KCNH4: variants seen among roughly 807,000 people sequenced by gnomAD.
KCNH4 encodes voltage-gated delayed rectifier potassium channel KCNH4.
A neutral mutation model predicts 90.7 loss-of-function variants in KCNH4; 33 were observed. The observed-to-expected ratio is 0.36, with a 90% confidence interval of 0.28 to 0.49. The LOEUF (loss-of-function observed/expected upper bound fraction) is 0.49, where lower values mean the gene tolerates loss of function less well. KCNH4 is among the 20% of genes least tolerant of loss of function. The pLI is 0.98. For missense variants in KCNH4, 1,044 were observed against 1,387.1 expected (o/e 0.75, Z 3.93); for synonymous variants, 551 against 581.7 (o/e 0.95, Z 0.76).
rs1344277777 is a variant in KCNH4 at position 42,175,442 on chromosome 17, C to CT, written c.987+136_987+137insA. 2.9e-6 allele frequency: 3 copies of CT among 1,018,674 alleles called. No homozygotes were observed. The African/African-American group carries it at 4.7e-5, about 16-fold the overall frequency. 63.1% of individuals were successfully genotyped at this position (1,018,674 alleles called of 1,614,324 possible). Reference sequence around the variant, plus strand: ...CCAGTACCTAGCACAGGGCTATGCCCAGAGCAGGTGCCTGATAAATATCTG... The same window carrying CT: ...CCAGTACCTAGCACAGGGCTATGCCCTAGAGCAGGTGCCTGATAAATATCTG... On this transcript the variant is annotated intron_variant, in intron 6 of 16. Coordinates refer to ENST00000264661, the MANE Select transcript of KCNH4 (RefSeq NM_012285.3).
At chr17:42,172,818 G>A (rs1024989964) in intron 6 of KCNH4, among the ~76,000 whole-genome samples, 4 of 151,948 alleles carry the variant, frequency 2.6e-5, no homozygotes, top group Admixed American at 2.6e-4. Context: ...AACAGTCTCT[G>A]CAGAGCCCCA....
At chr17:42,158,347 G>A (rs2079722299) in intron 16 of KCNH4, among the ~76,000 whole-genome samples, 1 of 150,544 alleles carries the variant, frequency 6.6e-6, no homozygotes, top group Non-Finnish European at 1.5e-5. Context: ...TGGCTAACAT[G>A]GTGAAACCCC....
At chr17:42,167,803 C>T (rs2079798311) in intron 9 of KCNH4, among the ~76,000 whole-genome samples, 1 of 152,252 alleles carries the variant, frequency 6.6e-6, no homozygotes, top group Admixed American at 6.5e-5. Context: ...AGAGATACCT[C>T]ACCAACCCAT....
rs141418259 is a variant in KCNH4 at position 42,176,213 on chromosome 17, C to T, written c.670G>A (p.Val224Ile). 51 of 1,613,538 alleles carry T rather than the reference C, an allele frequency of 3.2e-5. No individual in the cohort carries two copies. Among genetic ancestry groups the T allele is most frequent in the African/African-American group, 6.7e-5 (5 of 74,758 alleles). Reference protein sequence around the residue: ...GSRCLLLHYSVSKAIWDGLIL... With the variant: ...GSRCLLLHYSISKAIWDGLIL... ...AGGCCGTCCCAGATGGCCTTGGAGACGCTGTAGTGGAGGAGGAGGCAGCGA... is the reference window on the plus strand; with the variant it reads ...AGGCCGTCCCAGATGGCCTTGGAGATGCTGTAGTGGAGGAGGAGGCAGCGA... Residue 224 changes from valine (V) to isoleucine (I), a missense_variant, in exon 5 of 17, where the codon GTC (valine) becomes ATC (isoleucine). Physicochemically the swap from Val to Ile is conservative, Grantham distance 29. This residue lies in a region of KCNH4 where 283 missense variants were observed against 378.6 expected (regional missense o/e 0.75). Coordinates refer to ENST00000264661, the MANE Select transcript of KCNH4 (RefSeq NM_012285.3).
Position 42,163,471 on chromosome 17 carries a change from T to G in KCNH4, c.2477+135A>C. The G allele has an allele frequency of 1.3e-6, 1 of 782,536 alleles. No homozygotes were observed. 48.5% of individuals were successfully genotyped at this position (782,536 alleles called of 1,614,324 possible). A position where few individuals can be genotyped will look rare whatever the true frequency, so the allele number is the denominator to read the frequency against. ...GTCAAAGTGGGTTGGGGTTGCAAGC[T>G]GTGGTTGGAAGGGTGCGGTGGGCAC... On this transcript the variant is annotated intron_variant, in intron 13 of 16. Transcript: ENST00000264661. This position sits in a 1 kb window ranked among gnomAD's most constrained non-coding sequence, Gnocchi z 5.4.
In KCNH4 at chr17:42,169,345, G is replaced by A. The variant is rs1018581826; in HGVS notation, c.1590+132C>T. The A allele has an allele frequency of 9.8e-6, 8 of 819,954 alleles. No individual in the cohort carries two copies. The Admixed American group carries it at 1.1e-4, about 11-fold the overall frequency. 50.8% of individuals were successfully genotyped at this position (819,954 alleles called of 1,614,324 possible). Reference sequence around the variant, plus strand: ...CCTGCCCGCCTCAGCCTCCCAAAGTGCTGGGATTACAGGTGTGAGCAGCCG... The same window carrying A: ...CCTGCCCGCCTCAGCCTCCCAAAGTACTGGGATTACAGGTGTGAGCAGCCG... On this transcript the variant is annotated intron_variant, in intron 9 of 16. Coordinates refer to ENST00000264661, the MANE Select transcript of KCNH4 (RefSeq NM_012285.3).
In KCNH4 at chr17:42,181,026, G is replaced by T. The variant is rs574120013; in HGVS notation, c.-81C>A. The T allele has an allele frequency of 2.3e-6, 3 of 1,307,234 alleles. No homozygotes were observed. The highest frequency in any genetic ancestry group is 3.2e-6 in the Non-Finnish European group (3 of 939,662). 81.0% of individuals were successfully genotyped at this position (1,307,234 alleles called of 1,614,324 possible). On this transcript the variant is annotated 5_prime_UTR_variant, in exon 1 of 17. Transcript: ENST00000264661. Reference sequence around the variant, plus strand: ...CCGGAGGGGGCGCGCTGTCGGAGGGGCCGGGGCGCCCCATGCGCCCTCCTG... The same window carrying T: ...CCGGAGGGGGCGCGCTGTCGGAGGGTCCGGGGCGCCCCATGCGCCCTCCTG...
At chr17:42,173,224 C>T (rs886907264) in intron 6 of KCNH4, among the ~76,000 whole-genome samples, 2 of 151,898 alleles carry the variant, frequency 1.3e-5, no homozygotes, top group African/African-American at 4.8e-5. Flanking sequence ...GTATGAAAGC[C>T]CCTCATTGCC....
chr17:42,169,362 G>T, intron 9 of KCNH4, 115 bp downstream of exon 9: 1 of 967,808 alleles, frequency 1.0e-6, no homozygotes, highest in Non-Finnish European at 1.6e-6. Flanking sequence ...TTACAGGTGT[G>T]AGCAGCCGAG....
chr17:42,165,508 A>G lies in KCNH4; in HGVS notation c.2026T>C (p.Phe676Leu), dbSNP rs1568032973. Residue 676 changes from phenylalanine (F) to leucine (L), a missense_variant, in exon 11 of 17, where the codon TTC becomes CTC. Phe to Leu is a conservative substitution (Grantham distance 22). This residue lies in a region of KCNH4 where 441 missense variants were observed against 512.3 expected (regional missense o/e 0.86). Coordinates refer to ENST00000264661, the MANE Select transcript of KCNH4 (RefSeq NM_012285.3). ...AGGTCCCGGGGCAGGCCAGCCCGGAAGGCAGCCCCATACTCAGGATAGAGC... is the reference window on the plus strand; with the variant it reads ...AGGTCCCGGGGCAGGCCAGCCCGGAGGGCAGCCCCATACTCAGGATAGAGC... ...LRLYPEYGAA[F>L]RAGLPRDLTF... The G allele has an allele frequency of 1.2e-6, 2 of 1,614,190 alleles. No homozygotes were observed. Among genetic ancestry groups the G allele is most frequent in the Non-Finnish European group, 1.7e-6 (2 of 1,180,018 alleles).
In KCNH4 at chr17:42,168,848, T is replaced by C. The variant is rs1464043465; in HGVS notation, c.1590+629A>G. On this transcript the variant is annotated intron_variant, in intron 9 of 16. Transcript: ENST00000264661. ...GTGCAGTGGCACAATTTCGGCTCAC[T>C]GCAAGCTCCGCCTCCCGGGTTCATG... Among the ~76,000 whole-genome samples, 3 of 151,952 alleles carry C rather than the reference T, an allele frequency of 2.0e-5. No homozygotes were observed. The East Asian group carries it at 5.8e-4, about 30-fold the overall frequency.
intron 6 of KCNH4, among the ~76,000 whole-genome samples, chr17:42,173,860 C>G (rs1292083388): frequency 6.6e-6 from 1 of 151,810 alleles, no homozygotes; most frequent in Non-Finnish European, 1.5e-5. Flanking sequence ...GCCACCACGC[C>G]TGGCTAATTT....
intron 16 of KCNH4, among the ~76,000 whole-genome samples, chr17:42,159,300 T>G (rs923035106): frequency 6.6e-6 from 1 of 152,218 alleles, no homozygotes; most frequent in African/African-American, 2.4e-5. Context: ...GTGCTAGGAT[T>G]ACAGGCGTGA....
intron 2 of KCNH4, 38 bp from the exon 3 acceptor site, chr17:42,178,515 A>G (rs1381460543): frequency 5.0e-6 from 8 of 1,610,780 alleles, no homozygotes; most frequent in Non-Finnish European, 5.9e-6. Flanking sequence ...GAGCATGGGC[A>G]GCCCCATGGC....
Position 42,171,949 on chromosome 17 carries a change from A to G in KCNH4, c.1034T>C (p.Leu345Pro). The stretch of plus-strand genomic sequence containing the variant: ...CCGCTCCAGCTTCTGCAGCAGCCGC[A>G]GCAGCCGCAACAGCCGCACTGTCTT... ...LLKTVRLLRLLRLLQKLERYS... is the reference protein window; with the variant it reads ...LLKTVRLLRLPRLLQKLERYS... Residue 345 changes from leucine to proline, a missense_variant, in exon 7 of 17, where the codon CTG (leucine) becomes CCG (proline). This residue lies in a region of KCNH4 where 318 missense variants were observed against 479.6 expected (regional missense o/e 0.66). Transcript: ENST00000264661. The G allele has an allele frequency of 1.2e-6, 2 of 1,607,414 alleles. No homozygotes were observed. Among genetic ancestry groups the G allele is most frequent in the Non-Finnish European group, 1.7e-6 (2 of 1,177,798 alleles).
At chr17:42,176,001 C>T in intron 5 of KCNH4, 53 bp downstream of exon 5, 4 of 1,552,930 alleles carry the variant, frequency 2.6e-6, no homozygotes, top group Admixed American at 3.6e-5. Context: ...GAGGCTTGGC[C>T]AAGTGGATCC....
chr17:42,163,694 C>T lies in KCNH4; in HGVS notation c.2389G>A (p.Gly797Ser), dbSNP rs776219503. ...CAGGCAGCAGAGCACCTGGGGGGGC[C>T]GTGAGGGGAGGCACTGTGGCCCTGG... The part of the protein sequence containing the change: ...AGQGHSASPH[G>S]PPRCSAAWKP... The change falls in exon 13 of 17, where the codon GGC (glycine) becomes AGC (serine). Residue 797 changes from glycine (G) to serine (S), a missense_variant. Transcript: ENST00000264661. The surrounding 1 kb of genome is among the most constrained non-coding windows in gnomAD (Gnocchi z 5.4). 1.4e-5 allele frequency: 21 copies of T among 1,500,454 alleles called. No individual in the cohort carries two copies. The Admixed American group carries it at 1.4e-4, about 10-fold the overall frequency. 92.9% of individuals were successfully genotyped at this position (1,500,454 alleles called of 1,614,324 possible).
rs1426441013 is a variant in KCNH4, at chr17:42,164,112, C to G, written c.2124+18G>C. On this transcript the variant is annotated intron_variant, in intron 12 of 16. Transcript: ENST00000264661. Reference sequence around the variant, plus strand: ...TCTCCCCAGGGCAATTCAACCCCACCCAGGAAGTGGGTGTTACCTGGGAGA... The same window carrying G: ...TCTCCCCAGGGCAATTCAACCCCACGCAGGAAGTGGGTGTTACCTGGGAGA... The G allele has an allele frequency of 1.3e-6, 2 of 1,549,968 alleles. No homozygotes were observed. The highest frequency in any genetic ancestry group is 1.4e-5 in the African/African-American group (1 of 73,108).
chr17:42,178,285 C>A (rs202228114), intron 3 of KCNH4, 46 bp downstream of exon 3: 2 of 1,613,874 alleles, frequency 1.2e-6, no homozygotes, highest in African/African-American at 2.7e-5. Flanking sequence ...GCTGGTTAGG[C>A]GAAGGCTTCT....
Sources: gnomAD v4.1 joint callset for allele counts (sites outside exome capture counted in the v4.1 genomes callset) on GRCh38, gnomAD v4.1.1 for gene constraint, gnomAD v4.1.1 regional missense constraint, Gnocchi (gnomAD v3.1) non-coding constraint, MANE v1.5 for transcripts, NCBI Gene and HGNC (gene_info 2026-07-23, HGNC 2026-07-21) for gene names.